RPL26: variants seen among roughly 807,000 people sequenced by gnomAD.
RPL26 encodes ribosomal protein L26.
RPL26 carries 1 observed loss-of-function variant against 16.2 expected under a neutral mutation model. That is an observed-to-expected ratio of 0.06 (90% CI 0.02 to 0.29). RPL26 has a LOEUF of 0.29. RPL26 is among the 10% of genes least tolerant of loss of function. The probability of loss-of-function intolerance (pLI) is 1.00; values close to 1 mark genes in which losing one functional copy is unlikely to be tolerated. For synonymous variants in RPL26, 55 were observed against 62.4 expected (o/e 0.88, Z 0.56); for missense variants, 102 against 184.3 (o/e 0.55, Z 2.58).
Position 8,382,259 on chromosome 17 carries a change from G to A in RPL26, c.52C>T (p.His18Tyr). ...TSDRSKNRKR[H>Y]FNAPSHIRRK... is the part of the protein sequence containing the mutation. The stretch of plus-strand genomic sequence containing the variant: ...CGAATGTGGGAAGGTGCATTGAAAT[G>A]CCTTTTGCGATTCTTGCTTCGGTCG... The change falls in exon 2 of 4, where the codon CAT becomes TAT. Residue 18 changes from histidine to tyrosine, a missense_variant. By Grantham distance (83) the His-to-Tyr change is moderately conservative. Transcript: ENST00000648839. The A allele has an allele frequency of 6.2e-7, 1 of 1,613,562 alleles. No individual in the cohort carries two copies. Among genetic ancestry groups the A allele is most frequent in the Non-Finnish European group, 8.5e-7 (1 of 1,179,496 alleles).
chr17:8,382,434 C>G, intron 1 of RPL26, 119 bp from the exon 2 acceptor site: 1 of 697,826 alleles, frequency 1.4e-6, no homozygotes, highest in East Asian at 2.9e-5. Flanking sequence ...TCATGTTGTG[C>G]AACTTCAACA....
chr17:8,379,956 TAAC>T lies in RPL26; in HGVS notation c.169-23_169-21del, dbSNP rs757340863. 8 of 1,598,432 alleles carry T rather than the reference TAAC, an allele frequency of 5.0e-6. No homozygotes were observed. Among genetic ancestry groups the T allele is most frequent in the Non-Finnish European group, 6.0e-6 (7 of 1,169,106 alleles). The stretch of plus-strand genomic sequence containing the variant: ...TACAACCTAAGAGCAAATTCAAAAG[TAAC>T]AAATATTTGAATAAAAGATTAACCT... On this transcript the variant is annotated intron_variant, in intron 2 of 3. Coordinates refer to ENST00000648839, the MANE Select transcript of RPL26 (RefSeq NM_000987.5).
intron 2 of RPL26, chr17:8,381,916 A>G (rs1032199802): frequency 1.6e-5 from 6 of 383,562 alleles, no homozygotes; most frequent in African/African-American, 1.5e-4. Context: ...GGGGGACAAG[A>G]GCGAGACTTC....
intron 3 of RPL26, among the ~76,000 whole-genome samples, chr17:8,378,851 G>A (rs1002747692): frequency 6.6e-6 from 1 of 152,182 alleles, no homozygotes; most frequent in Non-Finnish European, 1.5e-5. Context: ...AGGCCGAGGG[G>A]CTTTCTAGAG....
intron 1 of RPL26, chr17:8,382,671 C>G (rs887323420): frequency 6.8e-6 from 2 of 294,568 alleles, no homozygotes; most frequent in Non-Finnish European, 6.2e-6. Context: ...ACGCAATTCT[C>G]TTAACTATAA....
At chr17:8,382,336 A>C (rs745831179) in intron 1 of RPL26, 21 bp from the exon 2 acceptor site, 2 of 1,587,404 alleles carry the variant, frequency 1.3e-6, no homozygotes, top group African/African-American at 2.7e-5. Flanking sequence ...AGTTAAAAAG[A>C]CTCTTAAATG....
intron 1 of RPL26, 82 bp from the exon 2 acceptor site, chr17:8,382,397 G>A: frequency 9.8e-7 from 1 of 1,020,508 alleles, no homozygotes; most frequent in East Asian, 2.5e-5. Flanking sequence ...ATTTTATCTT[G>A]ATAGTCTAGA....
At chr17:8,378,262 G>A (rs1016376954) in intron 3 of RPL26, among the ~76,000 whole-genome samples, 2 of 152,128 alleles carry the variant, frequency 1.3e-5, no homozygotes, top group African/African-American at 4.8e-5. Context: ...ACCCTGGGGG[G>A]GCGGAGGCTG....
chr17:8,378,162 C>T (rs1907239433), intron 3 of RPL26, among the ~76,000 whole-genome samples: 1 of 152,168 alleles, frequency 6.6e-6, no homozygotes, highest in South Asian at 2.1e-4. Flanking sequence ...GAAACCCCTT[C>T]TCTACTAAAA....
chr17:8,379,242 T>G (rs1907300864), intron 3 of RPL26: 1 of 151,936 alleles, frequency 6.6e-6, no homozygotes, highest in South Asian at 2.1e-4. Context: ...TAGGCTGAAG[T>G]GCAATGGTGC....
At chr17:8,380,308 T>C (rs1907351190) in intron 2 of RPL26, among the ~76,000 whole-genome samples, 1 of 152,248 alleles carries the variant, frequency 6.6e-6, no homozygotes, top group Non-Finnish European at 1.5e-5. Flanking sequence ...TTTGTGACTT[T>C]CTTGCATTGG....
intron 3 of RPL26, chr17:8,379,141 T>A (rs1907294461): frequency 6.6e-6 from 1 of 151,900 alleles, no homozygotes; most frequent in African/African-American, 2.4e-5. Context: ...ACATATAGAA[T>A]GGAAAAAGAT....
At chr17:8,378,103 G>A (rs1907235736) in intron 3 of RPL26, among the ~76,000 whole-genome samples, 1 of 152,244 alleles carries the variant, frequency 6.6e-6, no homozygotes, top group Non-Finnish European at 1.5e-5. Context: ...GGCAGAGGCA[G>A]GCGGATCACC....
intron 2 of RPL26, chr17:8,380,604 A>T (rs1450001928): frequency 1.3e-5 from 2 of 152,222 alleles, no homozygotes; most frequent in African/African-American, 4.8e-5. Context: ...TGCAAACGAT[A>T]ACGTGACTGT....
chr17:8,381,202 G>C (rs75654192), intron 2 of RPL26: 5,814 of 151,626 alleles, frequency 0.038, 169 homozygotes, highest in East Asian at 0.074. Context: ...CCACTCCCTG[G>C]CCCCCTACCT....
In RPL26 at chr17:8,377,625, C is replaced by A; in HGVS notation, c.377G>T (p.Arg126Leu). Residue 126 changes from arginine (R) to leucine (L), a missense_variant, in exon 4 of 4, where the codon CGC becomes CTC. Coordinates refer to ENST00000648839, the MANE Select transcript of RPL26 (RefSeq NM_000987.5). ...TTTGCCCTTTTCCTTTCCTACTTGGCGAGATTTGGCTTTCCGTTCGAGGAT... is the reference window on the plus strand; with the variant it reads ...TTTGCCCTTTTCCTTTCCTACTTGGAGAGATTTGGCTTTCCGTTCGAGGAT... Reference protein sequence around the residue: ...KKILERKAKSRQVGKEKGKYK... With the variant: ...KKILERKAKSLQVGKEKGKYK... The A allele has an allele frequency of 6.2e-7, 1 of 1,609,062 alleles. No individual in the cohort carries two copies. The highest frequency in any genetic ancestry group is 8.5e-7 in the Non-Finnish European group (1 of 1,179,492).
rs1207905501 is a variant in RPL26 at position 8,381,821 on chromosome 17, C to G, written c.168+322G>C. ...GCGGGCGCTTGTAATCCCAGCTACT[C>G]GGGAGGCTGAGGCAGGAGAATCGCC... On this transcript the variant is annotated intron_variant, in intron 2 of 3. Transcript: ENST00000648839. 2.1e-5 allele frequency: 5 copies of G among 238,970 alleles called. No homozygotes were observed. The South Asian group carries it at 2.2e-4, about 10-fold the overall frequency. The allele number at this position is 238,970 out of a possible 1,614,324, so 14.8% of individuals were successfully genotyped here. A position where few individuals can be genotyped will look rare whatever the true frequency, so the allele number is the denominator to read the frequency against.
chr17:8,379,693 C>A, intron 3 of RPL26, 103 bp downstream of exon 3: 7 of 1,066,688 alleles, frequency 6.6e-6, no homozygotes, highest in Non-Finnish European at 9.6e-6. Context: ...TTTTCCAGCA[C>A]ATGTAAAATC....
intron 3 of RPL26, chr17:8,379,523 G>A (rs1292208602): frequency 3.6e-5 from 19 of 534,358 alleles, no homozygotes; most frequent in South Asian, 3.0e-4. Context: ...GCAGTGAGCC[G>A]AGATTGTGCC....
Sources: gnomAD v4.1 joint callset for allele counts (sites outside exome capture counted in the v4.1 genomes callset) on GRCh38, gnomAD v4.1.1 for gene constraint, MANE v1.5 for transcripts, NCBI Gene and HGNC (gene_info 2026-07-23, HGNC 2026-07-21) for gene names.